Variants in DTWD1 observed in about 807,000 individuals in gnomAD.
DTWD1 encodes the protein tRNA-uridine aminocarboxypropyltransferase 1.
In DTWD1, 27 loss-of-function variants were observed where a neutral mutation model predicts 30.2. The observed-to-expected ratio is 0.90, with a 90% CI of 0.66 to 1.23. The LOEUF (loss-of-function observed/expected upper bound fraction) is 1.23, where lower values mean the gene tolerates loss of function less well. DTWD1 is among the 50% of genes most tolerant of loss of function. The probability of loss-of-function intolerance (pLI) is 0.00; values close to 1 mark genes in which losing one functional copy is unlikely to be tolerated. For synonymous variants in DTWD1, 99 were observed against 113.1 expected, an observed-to-expected ratio of 0.88 and a Z score of 0.79; for missense variants, 342 against 348.8, an observed-to-expected ratio of 0.98 and a Z score of 0.15.
intron 2 of DTWD1, 37 bp downstream of exon 2, chr15:49,625,468 T>G (rs1271710577): frequency 6.4e-7 from 1 of 1,562,984 alleles, no homozygotes. Context: ...AGTATGAAAA[T>G]AGATTTTTTA....
At position 49,625,145 on chromosome 15, in the gene DTWD1, T is replaced by C. The variant is rs779319024; in HGVS notation, c.-23T>C. 21 of 1,607,624 alleles carry C rather than the reference T, an allele frequency of 1.3e-5. No individual in the cohort carries two copies. The highest frequency in any genetic ancestry group is 1.7e-6 in the Non-Finnish European group (2 of 1,176,238). On this transcript the variant is annotated 5_prime_UTR_variant, in exon 2 of 5. Transcript: ENST00000403028. ...ATGATATGTGTTTTAGAAATAGCCG[T>C]TAAACTTTGGTTTGAATGAAGAATG...
chr15:49,643,712 T>A lies in DTWD1; in HGVS notation c.*134T>A. 1 of 926,492 alleles carries A rather than the reference T, an allele frequency of 1.1e-6. No homozygotes were observed. The highest frequency in any genetic ancestry group is 1.5e-6 in the Non-Finnish European group (1 of 670,092). 57.4% of individuals were successfully genotyped at this position (926,492 alleles called of 1,614,324 possible). A position where few individuals can be genotyped will look rare whatever the true frequency, so the allele number is the denominator to read the frequency against. On this transcript the variant is annotated 3_prime_UTR_variant, in exon 5 of 5. Transcript: ENST00000403028. ...TGAAAAAATTCCAGTTTCATATATATCACTTCATATTTCTTGAAGGAAATT... is the reference window on the plus strand; with the variant it reads ...TGAAAAAATTCCAGTTTCATATATAACACTTCATATTTCTTGAAGGAAATT...
chr15:49,642,909 A>G (rs193294263), intron 4 of DTWD1, among the ~76,000 whole-genome samples: 14 of 152,290 alleles, frequency 9.2e-5, no homozygotes, highest in African/African-American at 3.1e-4. Flanking sequence ...TGGGTGACAG[A>G]GTGAGACCTC....
intron 2 of DTWD1, among the ~76,000 whole-genome samples, chr15:49,628,724 C>G (rs989261574): frequency 6.6e-6 from 1 of 151,866 alleles, no homozygotes; most frequent in Non-Finnish European, 1.5e-5. Context: ...AACAGAATGT[C>G]TCTACTCAGA....
Position 49,645,581 on chromosome 15 carries a change from T to C in DTWD1, c.*2003T>C, listed in dbSNP as rs778729222. ...TTAAGCAGGGCCAAAGTTGGATTTC[T>C]CTAGGCTAAATTTGGACTTCCCTGA... On this transcript the variant is annotated 3_prime_UTR_variant, in exon 5 of 5. Coordinates refer to ENST00000403028, the MANE Select transcript of DTWD1 (RefSeq NM_001144955.2). 2 of 152,046 alleles carry C rather than the reference T, an allele frequency of 1.3e-5. No homozygotes were observed. The highest frequency in any genetic ancestry group is 2.9e-5 in the Non-Finnish European group (2 of 67,986). The allele number at this position is 152,046 out of a possible 1,614,324, so 9.4% of individuals were successfully genotyped here.
rs1013660593 is a variant in DTWD1 at position 49,654,417 on chromosome 15, T to C, written c.*10839T>C. On this transcript the variant is annotated 3_prime_UTR_variant, in exon 5 of 5. Coordinates refer to ENST00000403028, the MANE Select transcript of DTWD1 (RefSeq NM_001144955.2). Reference sequence around the variant, plus strand: ...TTTTAATCTGGATTGGCCTTCTAACTCACTTTGACCAATAAAATGTGGTAA... The same window carrying C: ...TTTTAATCTGGATTGGCCTTCTAACCCACTTTGACCAATAAAATGTGGTAA... 3 of 152,050 alleles carry C rather than the reference T, an allele frequency of 2.0e-5. No individual in the cohort carries two copies. The highest frequency in any genetic ancestry group is 7.2e-5 in the African/African-American group (3 of 41,422). 9.4% of individuals were successfully genotyped at this position (152,050 alleles called of 1,614,324 possible). A position where few individuals can be genotyped will look rare whatever the true frequency, so the allele number is the denominator to read the frequency against.
Position 49,654,701 on chromosome 15 carries a change from A to G in DTWD1, c.*11123A>G, listed in dbSNP as rs1229851635. 1 of 151,918 alleles carries G rather than the reference A, an allele frequency of 6.6e-6. No individual in the cohort carries two copies. The highest frequency in any genetic ancestry group is 1.5e-5 in the Non-Finnish European group (1 of 67,986). 9.4% of individuals were successfully genotyped at this position (151,918 alleles called of 1,614,324 possible). ...ATGAGATTGTGGAACCTGAAAATAC[A>G]GTGTAGTAAGAGTGGAGAGAAAGGC... On this transcript the variant is annotated 3_prime_UTR_variant, in exon 5 of 5. Coordinates refer to ENST00000403028, the MANE Select transcript of DTWD1 (RefSeq NM_001144955.2).
rs1598675949 is a variant in DTWD1, at chr15:49,648,232, C to A, written c.*4654C>A. On this transcript the variant is annotated 3_prime_UTR_variant, in exon 5 of 5. Transcript: ENST00000403028. The stretch of plus-strand genomic sequence containing the variant: ...TGTATATTAAGCTCTATATACACTG[C>A]ATATCATCATCATGACATTGAGTTT... 1.3e-5 allele frequency: 2 copies of A among 152,146 alleles called. No homozygotes were observed. The highest frequency in any genetic ancestry group is 6.6e-5 in the Admixed American group (1 of 15,266). The allele number at this position is 152,146 out of a possible 1,614,324, so 9.4% of individuals were successfully genotyped here. A position where few individuals can be genotyped will look rare whatever the true frequency, so the allele number is the denominator to read the frequency against.
Position 49,643,381 on chromosome 15 carries a change from CA to C in DTWD1, c.723del (p.Gly242GlufsTer18). On this transcript the variant is annotated frameshift_variant, in exon 5 of 5. Transcript: ENST00000403028. LOFTEE classifies it high-confidence loss of function. ...AAGAAAAACTTGCTTTTGGCGCCAT[CA>C]AAAAGGAAAGCCAGATACTTTCCTT... ...KTRKTCFWRH[Q>X]KGKPDTFLST... The C allele has an allele frequency of 1.9e-6, 3 of 1,556,600 alleles. No homozygotes were observed. Among genetic ancestry groups the C allele is most frequent in the South Asian group, 1.2e-5 (1 of 82,484 alleles).
At chr15:49,623,328 G>C (rs2153350744) in intron 1 of DTWD1, among the ~76,000 whole-genome samples, 1 of 152,252 alleles carries the variant, frequency 6.6e-6, no homozygotes, top group Non-Finnish European at 1.5e-5. Flanking sequence ...AACCCAAAGA[G>C]AGTTTAGGTG....
rs139095774 is a variant in DTWD1 at position 49,635,651 on chromosome 15, G to A, written c.667+857G>A. Among the ~76,000 whole-genome samples the A allele has an allele frequency of 1.2e-3, 187 of 151,410 alleles. 1 individual carries two copies. Among genetic ancestry groups the A allele is most frequent in the African/African-American group, 4.2e-3 (172 of 41,234 alleles). On this transcript the variant is annotated intron_variant, in intron 4 of 4. Coordinates refer to ENST00000403028, the MANE Select transcript of DTWD1 (RefSeq NM_001144955.2). ...GGGATTACAGGCACACCATCACCAC[G>A]CCTGGCTAATTTTTTTGTATTTTCA...
chr15:49,651,253 T>C lies in DTWD1; in HGVS notation c.*7675T>C, dbSNP rs1157826590. On this transcript the variant is annotated 3_prime_UTR_variant, in exon 5 of 5. Transcript: ENST00000403028. ...AAGATCAAGCACAGAAAGTCTAGAA[T>C]AGAGGCATGTGAATGGACATACTTG... 1 of 152,126 alleles carries C rather than the reference T, an allele frequency of 6.6e-6. No homozygotes were observed. The highest frequency in any genetic ancestry group is 2.4e-5 in the African/African-American group (1 of 41,448). The allele number at this position is 152,126 out of a possible 1,614,324, so 9.4% of individuals were successfully genotyped here. A position where few individuals can be genotyped will look rare whatever the true frequency, so the allele number is the denominator to read the frequency against.
chr15:49,627,297 G>C (rs1007838864), intron 2 of DTWD1, among the ~76,000 whole-genome samples: 1 of 152,012 alleles, frequency 6.6e-6, no homozygotes. Flanking sequence ...TACATTAATG[G>C]TAATAACAGC....
chr15:49,635,955 A>G (rs755974403), intron 4 of DTWD1, among the ~76,000 whole-genome samples: 7 of 152,064 alleles, frequency 4.6e-5, no homozygotes, highest in Non-Finnish European at 8.8e-5. Flanking sequence ...TTTCTGCCTG[A>G]CCTTTTATAA....
In DTWD1 at chr15:49,652,226, T is replaced by C. The variant is rs186348504; in HGVS notation, c.*8648T>C. The stretch of plus-strand genomic sequence containing the variant: ...GGGGACACAGTTTTGCTGAGAGATA[T>C]ATAAAAAATCTCACTGAAAAACATA... On this transcript the variant is annotated 3_prime_UTR_variant, in exon 5 of 5. Coordinates refer to ENST00000403028, the MANE Select transcript of DTWD1 (RefSeq NM_001144955.2). The C allele has an allele frequency of 2.6e-5, 4 of 152,150 alleles. No homozygotes were observed. Among genetic ancestry groups the C allele is most frequent in the East Asian group, 1.9e-4 (1 of 5,142 alleles). The allele number at this position is 152,150 out of a possible 1,614,324, so 9.4% of individuals were successfully genotyped here.
chr15:49,649,778 G>C lies in DTWD1; in HGVS notation c.*6200G>C, dbSNP rs1276271697. 6.6e-6 allele frequency: 1 copy of C among 152,000 alleles called. No homozygotes were observed. Among genetic ancestry groups the C allele is most frequent in the Non-Finnish European group, 1.5e-5 (1 of 67,968 alleles). 9.4% of individuals were successfully genotyped at this position (152,000 alleles called of 1,614,324 possible). A position where few individuals can be genotyped will look rare whatever the true frequency, so the allele number is the denominator to read the frequency against. ...AAAAATAAAAAGTCAGCAAAGGGAA[G>C]TTTCAGGGTTTCAGGATTCATTCAT... On this transcript the variant is annotated 3_prime_UTR_variant, in exon 5 of 5. Coordinates refer to ENST00000403028, the MANE Select transcript of DTWD1 (RefSeq NM_001144955.2).
rs988776259 is a variant in DTWD1 at position 49,648,881 on chromosome 15, C to T, written c.*5303C>T. Reference sequence around the variant, plus strand: ...TTTCTTTCGAAAGGTCATTTCTGACCCCAGCTTGAAGTTTGTTTATTTTCA... The same window carrying T: ...TTTCTTTCGAAAGGTCATTTCTGACTCCAGCTTGAAGTTTGTTTATTTTCA... On this transcript the variant is annotated 3_prime_UTR_variant, in exon 5 of 5. Transcript: ENST00000403028. 4.6e-5 allele frequency: 7 copies of T among 151,952 alleles called. No individual in the cohort carries two copies. Among genetic ancestry groups the T allele is most frequent in the Admixed American group, 4.6e-4 (7 of 15,238 alleles). 9.4% of individuals were successfully genotyped at this position (151,952 alleles called of 1,614,324 possible). A position where few individuals can be genotyped will look rare whatever the true frequency, so the allele number is the denominator to read the frequency against.
chr15:49,639,968 AAAT>A (rs1237939848), intron 4 of DTWD1, among the ~76,000 whole-genome samples: 4 of 152,152 alleles, frequency 2.6e-5, no homozygotes, highest in Non-Finnish European at 4.4e-5. Flanking sequence ...GATACATATG[AAAT>A]AATATATACA....
rs546253099 is a variant in DTWD1, at chr15:49,644,733, A to C, written c.*1155A>C. 6.6e-6 allele frequency: 1 copy of C among 152,312 alleles called. No homozygotes were observed. Among genetic ancestry groups the C allele is most frequent in the African/African-American group, 2.4e-5 (1 of 41,538 alleles). 9.4% of individuals were successfully genotyped at this position (152,312 alleles called of 1,614,324 possible). A position where few individuals can be genotyped will look rare whatever the true frequency, so the allele number is the denominator to read the frequency against. On this transcript the variant is annotated 3_prime_UTR_variant, in exon 5 of 5. Transcript: ENST00000403028. ...CCCAAGCAGTTACCCCAGTTACCTCACTAGGTTTAGTTCCTGCTCCCTCCC... is the reference window on the plus strand; with the variant it reads ...CCCAAGCAGTTACCCCAGTTACCTCCCTAGGTTTAGTTCCTGCTCCCTCCC...
Sources: allele counts gnomAD v4.1 joint callset (sites outside exome capture counted in the v4.1 genomes callset), GRCh38; gene constraint gnomAD v4.1.1; transcripts MANE v1.5; gene names NCBI Gene and HGNC (gene_info 2026-07-23, HGNC 2026-07-21).